Variants in IGFBPL1 observed in about 807,000 individuals in gnomAD.
The protein encoded by IGFBPL1 is insulin like growth factor binding protein like 1.
Under a neutral mutation model 23.9 loss-of-function variants are expected in IGFBPL1, and 20 were observed. The observed-to-expected ratio is 0.84, with a 90% confidence interval of 0.59 to 1.22. The LOEUF (loss-of-function observed/expected upper bound fraction) is 1.22, where lower values mean the gene tolerates loss of function less well. IGFBPL1 is among the 50% of genes most tolerant of loss of function. IGFBPL1 has a pLI of 0.00. For missense variants in IGFBPL1, 436 were observed against 379.3 expected, an observed-to-expected ratio of 1.15 and a Z score of -1.24; for synonymous variants, 184 against 171.8, an observed-to-expected ratio of 1.07 and a Z score of -0.56.
rs1355562553 is a variant in IGFBPL1, at chr9:38,424,241, C to T, written c.184G>A (p.Glu62Lys). The T allele has an allele frequency of 1.2e-5, 14 of 1,212,024 alleles. No individual in the cohort carries two copies. The highest frequency in any genetic ancestry group is 1.4e-5 in the Non-Finnish European group (14 of 975,888). 75.1% of individuals were successfully genotyped at this position (1,212,024 alleles called of 1,614,324 possible). Reference protein sequence around the residue: ...CPAPGISALDECGCCARCLGA... With the variant: ...CPAPGISALDKCGCCARCLGA... Reference sequence around the variant, plus strand: ...AGGCAGCGGGCGCAGCAGCCGCACTCGTCGAGCGCCGAGATCCCGGGCGCC... The same window carrying T: ...AGGCAGCGGGCGCAGCAGCCGCACTTGTCGAGCGCCGAGATCCCGGGCGCC... Residue 62 changes from glutamate (E) to lysine (K), a missense_variant, in exon 1 of 5, where the codon GAG (glutamate) becomes AAG (lysine). Coordinates refer to ENST00000377694, the MANE Select transcript of IGFBPL1 (RefSeq NM_001007563.3).
intron 1 of IGFBPL1, among the ~76,000 whole-genome samples, chr9:38,422,212 T>G (rs1337390632): frequency 6.6e-6 from 1 of 152,168 alleles, no homozygotes; most frequent in Non-Finnish European, 1.5e-5. Flanking sequence ...CCTTTACTGG[T>G]CACCCTGGAC....
chr9:38,408,846 CCTT>C lies in IGFBPL1; in HGVS notation c.*378_*380del, dbSNP rs1396342766. On this transcript the variant is annotated 3_prime_UTR_variant, in exon 5 of 5. Transcript: ENST00000377694. Reference sequence around the variant, plus strand: ...GAGGACAGCTGGGACCCTCATCCCTCCTTCTACAACACACACTAAGTCACAGAG... The same window carrying C: ...GAGGACAGCTGGGACCCTCATCCCTCCTACAACACACACTAAGTCACAGAG... 1 of 152,258 alleles carries C rather than the reference CCTT, an allele frequency of 6.6e-6. No homozygotes were observed. Among genetic ancestry groups the C allele is most frequent in the Non-Finnish European group, 1.5e-5 (1 of 68,090 alleles). 9.4% of individuals were successfully genotyped at this position (152,258 alleles called of 1,614,324 possible).
At chr9:38,418,951 TTA>T (rs1381376328) in intron 1 of IGFBPL1, among the ~76,000 whole-genome samples, 3 of 152,104 alleles carry the variant, frequency 2.0e-5, no homozygotes, top group African/African-American at 7.2e-5. Context: ...CATTTCCTTT[TTA>T]TCTGCAAATG....
rs1821450460 is a variant in IGFBPL1, at chr9:38,407,865, C to T, written c.*1362G>A. 6.6e-6 allele frequency among the ~76,000 whole-genome samples: 1 copy of T among 152,116 alleles called. No individual in the cohort carries two copies. The highest frequency in any genetic ancestry group is 1.5e-5 in the Non-Finnish European group (1 of 68,026). Reference sequence around the variant, plus strand: ...TAAAGGACTGTGCATAGTAAGGGCTCTCAATTCTTATTTTAAAATTGTAAT... The same window carrying T: ...TAAAGGACTGTGCATAGTAAGGGCTTTCAATTCTTATTTTAAAATTGTAAT... On this transcript the variant is annotated 3_prime_UTR_variant, in exon 5 of 5. Coordinates refer to ENST00000377694, the MANE Select transcript of IGFBPL1 (RefSeq NM_001007563.3).
Position 38,423,953 on chromosome 9 carries a change from A to G in IGFBPL1, c.460+12T>C. On this transcript the variant is annotated intron_variant, in intron 1 of 4. Transcript: ENST00000377694. ...TCCTTCTCTACCCACCCAATCCCCG[A>G]CCCTGACTCACCGAACTCGCAAGGG... The G allele has an allele frequency of 7.3e-7, 1 of 1,376,758 alleles. No individual in the cohort carries two copies. Among genetic ancestry groups the G allele is most frequent in the South Asian group, 1.7e-5 (1 of 59,838 alleles). The allele number at this position is 1,376,758 out of a possible 1,614,324, so 85.3% of individuals were successfully genotyped here.
chr9:38,416,905 T>C (rs1236761676), intron 1 of IGFBPL1, among the ~76,000 whole-genome samples: 2 of 151,996 alleles, frequency 1.3e-5, no homozygotes, highest in African/African-American at 4.8e-5. Flanking sequence ...GGTCTTAAAC[T>C]CCTGGCCTCT....
chr9:38,417,748 C>G (rs1821620958), intron 1 of IGFBPL1, among the ~76,000 whole-genome samples: 1 of 152,200 alleles, frequency 6.6e-6, no homozygotes, highest in Admixed American at 6.5e-5. Flanking sequence ...CATGGAGTCA[C>G]AAGCATGTGA....
rs941571113 is a variant in IGFBPL1 at position 38,408,501 on chromosome 9, G to A, written c.*726C>T. ...TGGTCTCCAAAGACCCAGCCAAGGC[G>A]CTCCTGAGTCTGGTAAAGCATCCCA... On this transcript the variant is annotated 3_prime_UTR_variant, in exon 5 of 5. Coordinates refer to ENST00000377694, the MANE Select transcript of IGFBPL1 (RefSeq NM_001007563.3). Among the ~76,000 whole-genome samples the A allele has an allele frequency of 1.1e-4, 17 of 152,166 alleles. No individual in the cohort carries two copies.
intron 3 of IGFBPL1, among the ~76,000 whole-genome samples, chr9:38,411,755 G>C (rs1821517114): frequency 6.6e-6 from 1 of 152,112 alleles, no homozygotes; most frequent in Non-Finnish European, 1.5e-5. Context: ...GCTCCCTATT[G>C]TGGCTCTCAT....
intron 1 of IGFBPL1, among the ~76,000 whole-genome samples, chr9:38,423,165 G>T (rs986237081): frequency 3.3e-5 from 5 of 152,074 alleles, no homozygotes; most frequent in African/African-American, 1.2e-4. Context: ...CTTTTTGTTT[G>T]GTTTTCAAAA....
intron 4 of IGFBPL1, among the ~76,000 whole-genome samples, chr9:38,410,458 G>C (rs1391228188): frequency 6.7e-6 from 1 of 150,088 alleles, no homozygotes; most frequent in African/African-American, 2.4e-5. Flanking sequence ...ACTCCAGCCT[G>C]GGTGACAGAG....
chr9:38,414,316 C>A (rs958826539), intron 1 of IGFBPL1, 113 bp from the exon 2 acceptor site: 2 of 622,030 alleles, frequency 3.2e-6, no homozygotes, highest in Non-Finnish European at 5.7e-6. Flanking sequence ...ATGAGGGGAG[C>A]GGCACATCAC....
In IGFBPL1 at chr9:38,408,767, G is replaced by T. The variant is rs1821468756; in HGVS notation, c.*460C>A. 6.6e-6 allele frequency among the ~76,000 whole-genome samples: 1 copy of T among 152,154 alleles called. No individual in the cohort carries two copies. The highest frequency in any genetic ancestry group is 1.5e-5 in the Non-Finnish European group (1 of 68,024). On this transcript the variant is annotated 3_prime_UTR_variant, in exon 5 of 5. Coordinates refer to ENST00000377694, the MANE Select transcript of IGFBPL1 (RefSeq NM_001007563.3). ...CATACTCACAGATGAAGGGACCAGG[G>T]CCCAGAGAGGGGAAGGGATCTGTTC...
At chr9:38,422,621 CA>C (rs1279602077) in intron 1 of IGFBPL1, among the ~76,000 whole-genome samples, 1 of 152,212 alleles carries the variant, frequency 6.6e-6, no homozygotes, top group Non-Finnish European at 1.5e-5. Context: ...GGGACCCGTC[CA>C]GGGCCACTCA....
At chr9:38,423,866 C>G in intron 1 of IGFBPL1, 99 bp downstream of exon 1, 1 of 1,146,344 alleles carries the variant, frequency 8.7e-7, no homozygotes, top group East Asian at 3.3e-5. Flanking sequence ...GAGTGCCAGG[C>G]AGCGCCGTCC....
chr9:38,422,177 G>T (rs1466778746), intron 1 of IGFBPL1, among the ~76,000 whole-genome samples: 1 of 152,240 alleles, frequency 6.6e-6, no homozygotes, highest in Non-Finnish European at 1.5e-5. Flanking sequence ...ACTGGACAGG[G>T]TGTTGGGACC....
At position 38,424,068 on chromosome 9, in the gene IGFBPL1, A is replaced by G; in HGVS notation, c.357T>C (p.Gly119=). The G allele has an allele frequency of 7.2e-7, 1 of 1,397,482 alleles. No homozygotes were observed. Among genetic ancestry groups the G allele is most frequent in the Non-Finnish European group, 9.2e-7 (1 of 1,081,768 alleles). 86.6% of individuals were successfully genotyped at this position (1,397,482 alleles called of 1,614,324 possible). ...AQRGTVCGSD[G]RSYPSVCALR... ...GCGCGCAGACGCTGGGGTACGAGCG[A>G]CCGTCGGAGCCGCAGACGGTGCCGC... Residue 119 remains glycine (G), a synonymous_variant, in exon 1 of 5, where the codon GGT becomes GGC. Coordinates refer to ENST00000377694, the MANE Select transcript of IGFBPL1 (RefSeq NM_001007563.3).
chr9:38,410,277 T>C (rs1004167584), intron 4 of IGFBPL1, among the ~76,000 whole-genome samples: 7 of 152,076 alleles, frequency 4.6e-5, no homozygotes, highest in South Asian at 2.1e-4. Flanking sequence ...AGTCGGGAGA[T>C]CAAGACCATC....
rs1002849785 is a variant in IGFBPL1 at position 38,424,031 on chromosome 9, C to A, written c.394G>T (p.Ala132Ser). The change falls in exon 1 of 5, where the codon GCT becomes TCT. Residue 132 changes from alanine (A) to serine (S), a missense_variant. Transcript: ENST00000377694. ...YPSVCALRLR[A>S]RHTPRAHPGH... Reference sequence around the variant, plus strand: ...GGGTGCGCGCGGGGCGTGTGCCGAGCGCGCAGGCGCAGCGCGCAGACGCTG... The same window carrying A: ...GGGTGCGCGCGGGGCGTGTGCCGAGAGCGCAGGCGCAGCGCGCAGACGCTG... 5 of 1,400,390 alleles carry A rather than the reference C, an allele frequency of 3.6e-6. No homozygotes were observed. Among genetic ancestry groups the A allele is most frequent in the Non-Finnish European group, 4.6e-6 (5 of 1,086,726 alleles). The allele number at this position is 1,400,390 out of a possible 1,614,324, so 86.7% of individuals were successfully genotyped here. A position where few individuals can be genotyped will look rare whatever the true frequency, so the allele number is the denominator to read the frequency against.
Sources: allele counts gnomAD v4.1 joint callset (sites outside exome capture counted in the v4.1 genomes callset), GRCh38; gene constraint gnomAD v4.1.1; transcripts MANE v1.5; gene names NCBI Gene and HGNC (gene_info 2026-07-23, HGNC 2026-07-21).